IKBKB: variants seen among roughly 807,000 people sequenced by gnomAD.
IKBKB encodes the protein inhibitor of nuclear factor kappa-B kinase subunit beta.
A neutral mutation model predicts 113.6 loss-of-function variants in IKBKB; 42 were observed. The observed-to-expected ratio is 0.37, with a 90% CI of 0.29 to 0.48. IKBKB has a LOEUF of 0.48. IKBKB is among the 20% of genes least tolerant of loss of function. The pLI is 0.99. For synonymous variants in IKBKB, 296 were observed against 361.3 expected (o/e 0.82, Z 2.05); for missense variants, 673 against 939.7 (o/e 0.72, Z 3.71).
chr8:42,288,125 G>A (rs1235710379), intron 2 of IKBKB, among the ~76,000 whole-genome samples: 3 of 152,100 alleles, frequency 2.0e-5, no homozygotes, highest in Non-Finnish European at 4.4e-5. Context: ...GGTGGCTCAC[G>A]TCTGTAATCC....
chr8:42,308,766 C>G (rs1386549053), intron 7 of IKBKB, 135 bp from the exon 8 acceptor site: 1 of 773,056 alleles, frequency 1.3e-6, no homozygotes, highest in African/African-American at 1.7e-5. Flanking sequence ...CTGGGGTGCC[C>G]TCCTCGCCCT....
At chr8:42,321,792 A>G (rs1010972194) in intron 16 of IKBKB, 104 bp from the exon 17 acceptor site, 2 of 778,758 alleles carry the variant, frequency 2.6e-6, no homozygotes, top group African/African-American at 3.5e-5. Context: ...CAGAAGTTCG[A>G]GACCAGCCTG....
intron 4 of IKBKB, among the ~76,000 whole-genome samples, chr8:42,291,944 A>G (rs909507139): frequency 6.6e-6 from 1 of 152,128 alleles, no homozygotes; most frequent in African/African-American, 2.4e-5. Context: ...GAAAAAAGAT[A>G]ATCCTGTCTC....
intron 2 of IKBKB, among the ~76,000 whole-genome samples, chr8:42,282,099 C>A (rs1810477419): frequency 6.6e-6 from 1 of 152,160 alleles, no homozygotes. Flanking sequence ...ACTCTGAGGA[C>A]CTTCATAATC....
At chr8:42,297,125 C>T (rs913440295) in intron 5 of IKBKB, among the ~76,000 whole-genome samples, 4 of 152,322 alleles carry the variant, frequency 2.6e-5, no homozygotes, top group Middle Eastern at 3.4e-3. Flanking sequence ...TTCACATCTC[C>T]GCCACCTTTT....
At chr8:42,306,763 C>A in intron 7 of IKBKB, among the ~76,000 whole-genome samples, 1 of 152,218 alleles carries the variant, frequency 6.6e-6, no homozygotes, top group East Asian at 1.9e-4. Context: ...CCCACCTCAG[C>A]CTCCTGAGCA....
chr8:42,331,396 A>T lies in IKBKB; in HGVS notation c.*417A>T. ...ACGTGACTGGACAGTGTCCAATTCA[A>T]ATCTTTCAGGGCAGAGTCCGAGCAG... On this transcript the variant is annotated 3_prime_UTR_variant, in exon 22 of 22. Coordinates refer to ENST00000520810, the MANE Select transcript of IKBKB (RefSeq NM_001556.3). The T allele has an allele frequency of 1.4e-6, 1 of 702,870 alleles. No homozygotes were observed. Among genetic ancestry groups the T allele is most frequent in the Non-Finnish European group, 2.6e-6 (1 of 385,008 alleles). The allele number at this position is 702,870 out of a possible 1,614,324, so 43.5% of individuals were successfully genotyped here.
At chr8:42,317,479 G>A (rs1039757753) in intron 11 of IKBKB, among the ~76,000 whole-genome samples, 178 bp from the exon 12 acceptor site, 1 of 152,216 alleles carries the variant, frequency 6.6e-6, no homozygotes, top group African/African-American at 2.4e-5. Context: ...TAAATAAAGA[G>A]TGTGTTCAGA....
chr8:42,318,761 C>A, intron 13 of IKBKB, 86 bp downstream of exon 13: 1 of 1,307,992 alleles, frequency 7.6e-7, no homozygotes, highest in Non-Finnish European at 1.0e-6. Flanking sequence ...GAGGCAGGGA[C>A]CCAGAAGCAA....
intron 21 of IKBKB, chr8:42,329,923 G>T: frequency 1.0e-6 from 1 of 985,420 alleles, no homozygotes; most frequent in Non-Finnish European, 1.2e-6. Context: ...TAAGCTTTTG[G>T]AAGAATTACA....
intron 4 of IKBKB, among the ~76,000 whole-genome samples, chr8:42,290,483 A>G: frequency 6.6e-6 from 1 of 152,070 alleles, no homozygotes; most frequent in Non-Finnish European, 1.5e-5. Flanking sequence ...CGAGAACACC[A>G]GGGAAGGGGT....
intron 8 of IKBKB, among the ~76,000 whole-genome samples, chr8:42,312,543 A>G (rs1159224893): frequency 6.6e-6 from 1 of 152,230 alleles, no homozygotes; most frequent in African/African-American, 2.4e-5. Context: ...GACAAATGCA[A>G]TTTGGGCTTT....
Position 42,285,929 on chromosome 8 carries a change from T to G in IKBKB, c.106-2705T>G, listed in dbSNP as rs1585574892. Among the ~76,000 whole-genome samples, 5 of 151,830 alleles carry G rather than the reference T, an allele frequency of 3.3e-5. No homozygotes were observed. The South Asian group carries it at 1.0e-3, about 32-fold the overall frequency. ...CTAGAGGGGCTCGGGGAGTAGGGAG[T>G]GGCTGCTGATGGGTGTGGAGTTTTG... is the stretch of plus-strand genomic sequence containing the variant. On this transcript the variant is annotated intron_variant, in intron 2 of 21. Coordinates refer to ENST00000520810, the MANE Select transcript of IKBKB (RefSeq NM_001556.3).
At chr8:42,326,202 C>T in intron 20 of IKBKB, 105 bp downstream of exon 20, 1 of 1,351,542 alleles carries the variant, frequency 7.4e-7, no homozygotes, top group East Asian at 2.5e-5. Context: ...GGTATTACCA[C>T]CTCTCTGGAT....
At chr8:42,275,086 A>T (rs931503958) in intron 2 of IKBKB, among the ~76,000 whole-genome samples, 2 of 151,960 alleles carry the variant, frequency 1.3e-5, no homozygotes, top group Non-Finnish European at 2.9e-5. Context: ...CATGTTGGCC[A>T]GTCTGGTCTC....
intron 5 of IKBKB, among the ~76,000 whole-genome samples, chr8:42,296,472 G>A (rs753071641): frequency 7.2e-5 from 11 of 152,012 alleles, no homozygotes; most frequent in African/African-American, 1.4e-4. Flanking sequence ...TCTACTAAAC[G>A]TACAAAAAAC....
chr8:42,280,053 G>T (rs975488384), intron 2 of IKBKB, among the ~76,000 whole-genome samples: 5 of 152,224 alleles, frequency 3.3e-5, no homozygotes, highest in African/African-American at 1.2e-4. Flanking sequence ...TTTCTATGTT[G>T]CCCAGGCTGG....
At chr8:42,292,424 CT>C (rs780757479) in intron 4 of IKBKB, among the ~76,000 whole-genome samples, 1 of 152,244 alleles carries the variant, frequency 6.6e-6, no homozygotes, top group Non-Finnish European at 1.5e-5. Flanking sequence ...TAAGGGACCC[CT>C]GTCCTTGCTG....
In IKBKB at chr8:42,321,955, G is replaced by A. The variant is rs1435998291; in HGVS notation, c.1738+10G>A. The A allele has an allele frequency of 2.5e-6, 4 of 1,613,118 alleles. No individual in the cohort carries two copies. The highest frequency in any genetic ancestry group is 1.3e-5 in the African/African-American group (1 of 74,846). On this transcript the variant is annotated intron_variant, in intron 17 of 21. Coordinates refer to ENST00000520810, the MANE Select transcript of IKBKB (RefSeq NM_001556.3). The stretch of plus-strand genomic sequence containing the variant: ...AGGGAAAAACCTCGAGGTAAGTGGG[G>A]TTCTGTGTCTGCCTTGGGCTTCTCC...
Sources: allele counts gnomAD v4.1 joint callset (sites outside exome capture counted in the v4.1 genomes callset), GRCh38; gene constraint gnomAD v4.1.1; transcripts MANE v1.5; gene names NCBI Gene and HGNC (gene_info 2026-07-23, HGNC 2026-07-21).